Variants in EPB41L3 observed in about 807,000 individuals in gnomAD.
EPB41L3 encodes the protein erythrocyte membrane protein band 4.1 like 3, also known as band 4.1-like protein 3.
Under a neutral mutation model 127.1 loss-of-function variants are expected in EPB41L3, and 57 were observed. The observed-to-expected ratio is 0.45, with a 90% CI of 0.36 to 0.56. The LOEUF is 0.56. Ranked by LOEUF, EPB41L3 falls within the 20% of genes least tolerant of loss-of-function variation. The pLI is 0.00. For missense variants in EPB41L3, 1,273 were observed against 1,372.2 expected (o/e 0.93, Z 1.14); for synonymous variants, 572 against 549.5 (o/e 1.04, Z -0.57).
At chr18:5,428,541 A>G in intron 8 of EPB41L3, 76 bp from the exon 9 acceptor site, 1 of 1,546,116 alleles carries the variant, frequency 6.5e-7, no homozygotes, top group Non-Finnish European at 8.8e-7. Context: ...GTATTTAAGC[A>G]TCCACGACAG....
At chr18:5,493,475 A>G (rs1397950526) in intron 1 of EPB41L3, among the ~76,000 whole-genome samples, 4 of 152,206 alleles carry the variant, frequency 2.6e-5, no homozygotes, top group African/African-American at 4.8e-5. Context: ...TTGTGACTAT[A>G]GAGTACTATC....
intron 8 of EPB41L3, among the ~76,000 whole-genome samples, chr18:5,433,055 C>T (rs770481195): frequency 1.8e-4 from 28 of 152,086 alleles, no homozygotes; most frequent in Non-Finnish European, 2.9e-4. Flanking sequence ...AGTCCAGAGA[C>T]GGACATAGTC....
chr18:5,458,425 G>C (rs1417013573), intron 3 of EPB41L3, among the ~76,000 whole-genome samples: 1 of 152,152 alleles, frequency 6.6e-6, no homozygotes, highest in East Asian at 1.9e-4. Context: ...GATGGATCAT[G>C]GTTTCTAAGG....
At chr18:5,467,923 G>C (rs2085308571) in intron 3 of EPB41L3, among the ~76,000 whole-genome samples, 1 of 152,192 alleles carries the variant, frequency 6.6e-6, no homozygotes, top group Admixed American at 6.5e-5. Context: ...AGCTGCAGCT[G>C]TGGATTTGGG....
exon 3 of EPB41L3, chr18:5,612,350 G>C (rs976181187): frequency 1.6e-4 from 24 of 152,256 alleles, no homozygotes; most frequent in Non-Finnish European, 2.6e-4. Flanking sequence ...CAAGACCAGA[G>C]ATGGGCGGGG....
chr18:5,421,015 T>C (rs1408554910), intron 11 of EPB41L3, among the ~76,000 whole-genome samples: 1 of 152,332 alleles, frequency 6.6e-6, no homozygotes, highest in East Asian at 1.9e-4. Context: ...CTCTGTGAGA[T>C]GCAACCTTGC....
chr18:5,458,003 T>C (rs2083383955), intron 3 of EPB41L3, among the ~76,000 whole-genome samples: 1 of 152,182 alleles, frequency 6.6e-6, no homozygotes, highest in African/African-American at 2.4e-5. Context: ...CACTGTATTC[T>C]TACAGTGCCG....
At chr18:5,613,409 G>A (rs780436706) in intron 2 of EPB41L3, among the ~76,000 whole-genome samples, 6 of 152,164 alleles carry the variant, frequency 3.9e-5, no homozygotes, top group Non-Finnish European at 8.8e-5. Context: ...CAGGAGACGA[G>A]GAATGTCCAA....
rs751985569 is a variant in EPB41L3 at position 5,397,112 on chromosome 18, C to A, written c.2787G>T (p.Glu929Asp). Residue 929 changes from glutamate (E) to aspartate (D), a missense_variant, in exon 18 of 23, where the codon GAG (glutamate) becomes GAT (aspartate). Glu to Asp is a conservative substitution (Grantham distance 45). Transcript: ENST00000341928. This position sits in a 1 kb window ranked among gnomAD's most constrained non-coding sequence, Gnocchi z 4.1. Reference protein sequence around the residue: ...TAAASRERQEEQSAAIHISET... With the variant: ...TAAASRERQEDQSAAIHISET... ...CTGAAATGTGGATGGCTGCACTCTG[C>A]TCCTCTTGTCGCTCACGGGAAGCAG... The A allele has an allele frequency of 4.3e-6, 7 of 1,614,008 alleles. 1 individual carries two copies. In the South Asian group the frequency reaches 7.7e-5, roughly 18 times the overall value.
intron 2 of EPB41L3, among the ~76,000 whole-genome samples, chr18:5,487,579 C>T (rs1221351875): frequency 6.6e-6 from 1 of 150,572 alleles, no homozygotes; most frequent in Non-Finnish European, 1.5e-5. Flanking sequence ...GAAATCTCCA[C>T]TTCCTGGGTT....
intron 3 of EPB41L3, chr18:5,610,137 GACTCA>G: frequency 1.0e-6 from 1 of 985,384 alleles, no homozygotes; most frequent in Non-Finnish European, 1.2e-6. Flanking sequence ...CAGATTTCAG[GACTCA>G]CCCACATTAT....
intron 12 of EPB41L3, among the ~76,000 whole-genome samples, chr18:5,418,666 T>C (rs73375734): frequency 0.037 from 5,625 of 152,276 alleles, 297 homozygotes; most frequent in African/African-American, 0.12. Context: ...GTTTGCCAAA[T>C]AAATAATCTT....
At chr18:5,412,719 A>G (rs2076345501) in intron 13 of EPB41L3, among the ~76,000 whole-genome samples, 1 of 152,182 alleles carries the variant, frequency 6.6e-6, no homozygotes, top group Non-Finnish European at 1.5e-5. Flanking sequence ...ACATGAGCTC[A>G]AATCCTTTCT....
chr18:5,516,916 T>C (rs936525356), intron 1 of EPB41L3, among the ~76,000 whole-genome samples: 1 of 152,186 alleles, frequency 6.6e-6, no homozygotes, highest in Non-Finnish European at 1.5e-5. Flanking sequence ...AGAAATTGTA[T>C]TATAAATCAC....
chr18:5,564,706 C>T (rs936089615), intron 3 of EPB41L3, among the ~76,000 whole-genome samples: 3 of 152,148 alleles, frequency 2.0e-5, no homozygotes, highest in Admixed American at 6.5e-5. Context: ...ATCACCTCAG[C>T]TTTTCATCTC....
chr18:5,509,660 A>C (rs1033465165), intron 1 of EPB41L3, among the ~76,000 whole-genome samples: 2 of 152,150 alleles, frequency 1.3e-5, no homozygotes, highest in Non-Finnish European at 2.9e-5. Flanking sequence ...ACCTTAAGTA[A>C]ATTCCTACCA....
chr18:5,502,675 G>A (rs2091848307), intron 1 of EPB41L3, among the ~76,000 whole-genome samples: 1 of 152,190 alleles, frequency 6.6e-6, no homozygotes, highest in Non-Finnish European at 1.5e-5. Context: ...CAGAGACTGG[G>A]AAGAGTGGAC....
intron 11 of EPB41L3, among the ~76,000 whole-genome samples, chr18:5,422,229 C>T (rs539909316): frequency 6.6e-6 from 1 of 152,064 alleles, no homozygotes; most frequent in Non-Finnish European, 1.5e-5. Context: ...CAGTTTCCAC[C>T]TCGCTAGTAA....
Position 5,396,245 on chromosome 18 carries a change from C to T in EPB41L3, c.2929G>A (p.Val977Ile). The T allele has an allele frequency of 6.2e-7, 1 of 1,614,210 alleles. No homozygotes were observed. Among genetic ancestry groups the T allele is most frequent in the Non-Finnish European group, 8.5e-7 (1 of 1,180,032 alleles). Residue 977 changes from valine (V) to isoleucine (I), a missense_variant, in exon 19 of 23, where the codon GTA becomes ATA. This residue lies in a region of EPB41L3 where 765 missense variants were observed against 782.9 expected (regional missense o/e 0.98). Coordinates refer to ENST00000341928, the MANE Select transcript of EPB41L3 (RefSeq NM_012307.5). The stretch of plus-strand genomic sequence containing the variant: ...ATGGTTTTGGTTTCGGTGTGAACTA[C>T]TGGCACTTCCTTCGTGGAAATTTCT... ...KLEISTKEVPVVHTETKTITY... is the reference protein window; with the variant it reads ...KLEISTKEVPIVHTETKTITY...
Sources: gnomAD v4.1 joint callset for allele counts (sites outside exome capture counted in the v4.1 genomes callset) on GRCh38, gnomAD v4.1.1 for gene constraint, gnomAD v4.1.1 regional missense constraint, Gnocchi (gnomAD v3.1) non-coding constraint, MANE v1.5 for transcripts, NCBI Gene and HGNC (gene_info 2026-07-23, HGNC 2026-07-21) for gene names.